The following ATP12A variants were observed in gnomAD, a reference collection of about 807,000 sequenced individuals.
ATP12A encodes potassium-transporting ATPase alpha chain 2.
Under a neutral mutation model 111.2 loss-of-function variants are expected in ATP12A, and 81 were observed. That is an observed-to-expected ratio of 0.73 (90% CI 0.61 to 0.88). The LOEUF (loss-of-function observed/expected upper bound fraction) is 0.88, where lower values mean the gene tolerates loss of function less well. Among genes scored for constraint, ATP12A ranks in the 40% least tolerant of loss-of-function variants. The pLI is 0.00. For synonymous variants in ATP12A, 498 were observed against 499.8 expected (o/e 1.00, Z 0.05); for missense variants, 1,196 against 1,313.1 (o/e 0.91, Z 1.38).
intron 2 of ATP12A, among the ~76,000 whole-genome samples, chr13:24,684,305 G>A (rs1874590684): frequency 6.6e-6 from 1 of 152,176 alleles, no homozygotes; most frequent in Non-Finnish European, 1.5e-5. Flanking sequence ...CTAGAAGCAA[G>A]ATAATAATGA....
Position 24,688,343 on chromosome 13 carries a change from G to T in ATP12A, c.253G>T (p.Glu85Ter). ...GGGTCTCTCCAGCACCAGAGCTGCC[G>T]AGCTCCTGGCCCGGGATGGGCCCAA... ...IMGLSSTRAA[E>*]LLARDGPNSL... Residue 85 changes from glutamate (E) to a stop codon, truncating the protein, a stop_gained, in exon 4 of 23, where the codon GAG (glutamate) becomes TAG (stop). Coordinates refer to ENST00000381946, the MANE Select transcript of ATP12A (RefSeq NM_001676.7). LOFTEE classifies it high-confidence loss of function. The T allele has an allele frequency of 6.2e-7, 1 of 1,613,860 alleles. No homozygotes were observed. Among genetic ancestry groups the T allele is most frequent in the Non-Finnish European group, 8.5e-7 (1 of 1,179,896 alleles).
In ATP12A at chr13:24,685,429, AGGCTGTGTGTGGCGGGG is replaced by A; in HGVS notation, c.228+66_228+82del. ...GAAGCCTCCCAACTCTACAGAGGGA[AGGCTGTGTGTGGCGGGG>A]GGCTGTGTGGAAGAGTAGCGGCACC... On this transcript the variant is annotated intron_variant, in intron 3 of 22. Transcript: ENST00000381946. The surrounding 1 kb of genome is among the most constrained non-coding windows in gnomAD (Gnocchi z 5.5). 3 of 1,576,386 alleles carry A rather than the reference AGGCTGTGTGTGGCGGGG, an allele frequency of 1.9e-6. No homozygotes were observed. Among genetic ancestry groups the A allele is most frequent in the Non-Finnish European group, 2.6e-6 (3 of 1,145,704 alleles).
chr13:24,686,679 C>A (rs533953338), intron 3 of ATP12A, among the ~76,000 whole-genome samples: 11 of 152,008 alleles, frequency 7.2e-5, no homozygotes, highest in Non-Finnish European at 1.2e-4. Context: ...GCGGAGCTTG[C>A]AGTGAGCGGA....
In ATP12A at chr13:24,701,005, G is replaced by A. The variant is rs937388786; in HGVS notation, c.1881+83G>A. The A allele has an allele frequency of 2.8e-6, 4 of 1,426,928 alleles. No homozygotes were observed. The African/African-American group carries it at 5.7e-5, about 20-fold the overall frequency. The allele number at this position is 1,426,928 out of a possible 1,614,324, so 88.4% of individuals were successfully genotyped here. A position where few individuals can be genotyped will look rare whatever the true frequency, so the allele number is the denominator to read the frequency against. ...TAATGGTTTTCATAGCAGATGGTCA[G>A]TATTTAGGTGTCTTCAAGTAAATAT... On this transcript the variant is annotated intron_variant, in intron 13 of 22. Transcript: ENST00000381946.
At position 24,681,589 on chromosome 13, in the gene ATP12A, C is replaced by T; in HGVS notation, c.37C>T (p.Leu13Phe). The T allele has an allele frequency of 6.2e-7, 1 of 1,613,928 alleles. No individual in the cohort carries two copies. Among genetic ancestry groups the T allele is most frequent in the Non-Finnish European group, 8.5e-7 (1 of 1,179,988 alleles). ...AACCCCAGAAATTTACTCCGTGGAG[C>T]TCAGCGGAACTAAGGACATCGTGAA... is the stretch of plus-strand genomic sequence containing the variant. ...QKTPEIYSVE[L>F]SGTKDIVKTD... The change falls in exon 2 of 23, where the codon CTC becomes TTC. Residue 13 changes from leucine (L) to phenylalanine (F), a missense_variant. By Grantham distance (22) the Leu-to-Phe change is conservative. Transcript: ENST00000381946.
rs1259931597 is a variant in ATP12A, at chr13:24,710,519, C to G, written c.2823C>G (p.Ile941Met). The change falls in exon 20 of 23, where the codon ATC (isoleucine) becomes ATG (methionine). Residue 941 changes from isoleucine to methionine, a missense_variant. Ile to Met is a conservative substitution (Grantham distance 10). Around this residue, in one of 3 missense-constraint regions of ATP12A, gnomAD observed 1,126 missense variants for 1,228.5 expected, o/e 0.92. Coordinates refer to ENST00000381946, the MANE Select transcript of ATP12A (RefSeq NM_001676.7). Reference sequence around the variant, plus strand: ...GCTACACGGCTTTCTTTGTTGGCATCCTAGTCCAGCAAATAGCAGATCTGA... The same window carrying G: ...GCTACACGGCTTTCTTTGTTGGCATGCTAGTCCAGCAAATAGCAGATCTGA... ...WTGYTAFFVG[I>M]LVQQIADLII... 5.0e-6 allele frequency: 8 copies of G among 1,614,104 alleles called. No homozygotes were observed. Among genetic ancestry groups the G allele is most frequent in the Non-Finnish European group, 5.9e-6 (7 of 1,180,042 alleles).
At chr13:24,682,400 T>TGTGCGCGC (rs1491158117) in intron 2 of ATP12A, among the ~76,000 whole-genome samples, 11,176 of 149,890 alleles carry the variant, frequency 0.075, 1,141 homozygotes, top group Middle Eastern at 0.097. Flanking sequence ...GTGGTGTGTG[T>TGTGCGCGC]ATGTGTGTGT....
chr13:24,699,001 A>T, intron 12 of ATP12A, 151 bp downstream of exon 12: 2 of 1,040,526 alleles, frequency 1.9e-6, no homozygotes, highest in East Asian at 5.2e-5. Context: ...CAAGGAGAGG[A>T]TGCTGTGTGA....
At chr13:24,698,590 G>C in intron 11 of ATP12A, 68 bp from the exon 12 acceptor site, 1 of 1,498,012 alleles carries the variant, frequency 6.7e-7, no homozygotes, top group Non-Finnish European at 9.1e-7. Context: ...ACATTTAATG[G>C]ACCAGTAGAG....
intron 20 of ATP12A, 74 bp downstream of exon 20, chr13:24,710,667 A>G: frequency 6.2e-7 from 1 of 1,609,036 alleles, no homozygotes; most frequent in African/African-American, 1.3e-5. Flanking sequence ...TGTTTTTCAC[A>G]AGACAGAGTT....
intron 6 of ATP12A, 31 bp downstream of exon 6, chr13:24,690,503 C>T (rs1290871148): frequency 6.2e-7 from 1 of 1,611,652 alleles, no homozygotes. Context: ...ACCCCAAGGA[C>T]CATGTTCCAA....
In ATP12A at chr13:24,698,575, CCTT is replaced by C. The variant is rs1566074470; in HGVS notation, c.1513-82_1513-80del. Reference sequence around the variant, plus strand: ...TGAGGATGCCATTGTGCCTCTTCCTCCTTTACATTTAATGGACCAGTAGAGAAG... The same window carrying C: ...TGAGGATGCCATTGTGCCTCTTCCTCTACATTTAATGGACCAGTAGAGAAG... On this transcript the variant is annotated intron_variant, in intron 11 of 22. Coordinates refer to ENST00000381946, the MANE Select transcript of ATP12A (RefSeq NM_001676.7). 13 of 1,426,078 alleles carry C rather than the reference CCTT, an allele frequency of 9.1e-6. 1 individual carries two copies. Among genetic ancestry groups the C allele is most frequent in the Admixed American group, 8.0e-5 (4 of 50,182 alleles). The allele number at this position is 1,426,078 out of a possible 1,614,324, so 88.3% of individuals were successfully genotyped here. A position where few individuals can be genotyped will look rare whatever the true frequency, so the allele number is the denominator to read the frequency against.
intron 1 of ATP12A, 64 bp downstream of exon 1, chr13:24,680,816 G>C (rs1473870161): frequency 2.8e-6 from 4 of 1,434,414 alleles, no homozygotes; most frequent in Middle Eastern, 1.9e-4. Context: ...GGGGACCGGA[G>C]CAGGCTGACG....
At chr13:24,711,184 T>A (rs1432027004) in intron 21 of ATP12A, 134 bp from the exon 22 acceptor site, 1 of 867,924 alleles carries the variant, frequency 1.2e-6, no homozygotes, top group African/African-American at 1.7e-5. Context: ...CACCTTTATT[T>A]TGTGGGACCT....
Position 24,707,302 on chromosome 13 carries a change from A to G in ATP12A, c.2362A>G (p.Lys788Glu). 6.2e-7 allele frequency: 1 copy of G among 1,614,176 alleles called. No homozygotes were observed. Among genetic ancestry groups the G allele is most frequent in the Non-Finnish European group, 8.5e-7 (1 of 1,180,034 alleles). The change falls in exon 17 of 23, where the codon AAG becomes GAG. Residue 788 changes from lysine to glutamate, a missense_variant. Lys to Glu is a moderately conservative substitution (Grantham distance 56). This residue lies in a region of ATP12A where 1,126 missense variants were observed against 1,228.5 expected (regional missense o/e 0.92). Coordinates refer to ENST00000381946, the MANE Select transcript of ATP12A (RefSeq NM_001676.7). ...EEGRLIFDNL[K>E]KTIAYSLTKN... ...AGGTCGCCTGATCTTTGACAACCTC[A>G]AGAAGACTATTGCTTATTCCCTGAC... is the stretch of plus-strand genomic sequence containing the variant.
At chr13:24,682,959 C>CTTTTTTTTTTTTTTTTTTTT in intron 2 of ATP12A, among the ~76,000 whole-genome samples, 1 of 139,040 alleles carries the variant, frequency 7.2e-6, no homozygotes, top group Non-Finnish European at 1.6e-5. Flanking sequence ...TAAAACTAGC[C>CTTTTTTTTTTTTTTTTTTTT]TTTTTTTTTT....
intron 11 of ATP12A, among the ~76,000 whole-genome samples, chr13:24,695,412 A>G (rs1875103239): frequency 6.6e-6 from 1 of 152,152 alleles, no homozygotes; most frequent in African/African-American, 2.4e-5. Context: ...ATGTTAAGAC[A>G]AATGACAGTT....
intron 21 of ATP12A, 62 bp downstream of exon 21, chr13:24,710,955 T>A: frequency 6.9e-7 from 1 of 1,441,904 alleles, no homozygotes; most frequent in Middle Eastern, 1.9e-4. Flanking sequence ...TGTCGCAGCC[T>A]AAATAAACCT....
rs1200383991 is a variant in ATP12A at position 24,690,389 on chromosome 13, C to G, written c.598C>G (p.Leu200Val). 1 of 1,613,352 alleles carries G rather than the reference C, an allele frequency of 6.2e-7. No homozygotes were observed. The highest frequency in any genetic ancestry group is 8.5e-7 in the Non-Finnish European group (1 of 1,179,902). ...SEKKTIPSEQ[L>V]VVGDIVEVKG... ...GAAGAAGACCATCCCTTCAGAGCAGCTGGTGGTGGGGGACATTGTGGAGGT... is the reference window on the plus strand; with the variant it reads ...GAAGAAGACCATCCCTTCAGAGCAGGTGGTGGTGGGGGACATTGTGGAGGT... Residue 200 changes from leucine to valine, a missense_variant, in exon 6 of 23, where the codon CTG (leucine) becomes GTG (valine). By Grantham distance (32) the Leu-to-Val change is conservative (BLOSUM62 1). Coordinates refer to ENST00000381946, the MANE Select transcript of ATP12A (RefSeq NM_001676.7).
Sources: gnomAD v4.1 joint callset for allele counts (sites outside exome capture counted in the v4.1 genomes callset) on GRCh38, gnomAD v4.1.1 for gene constraint, gnomAD v4.1.1 regional missense constraint, Gnocchi (gnomAD v3.1) non-coding constraint, MANE v1.5 for transcripts, NCBI Gene and HGNC (gene_info 2026-07-23, HGNC 2026-07-21) for gene names.